CUL7: variants seen among roughly 807,000 people sequenced by gnomAD.
The protein encoded by CUL7 is cullin-7.
CUL7 carries 96 observed loss-of-function variants against 177.7 expected under a neutral mutation model. The observed-to-expected ratio is 0.54, with a 90% CI of 0.46 to 0.64. The LOEUF (loss-of-function observed/expected upper bound fraction) is 0.64. Ranked by LOEUF, CUL7 falls within the 30% of genes least tolerant of loss-of-function variation. The pLI, the probability that CUL7 is intolerant of heterozygous loss-of-function variation, is 0.00. For synonymous variants in CUL7, 824 were observed against 890.2 expected (o/e 0.93, Z 1.32); for missense variants, 1,893 against 2,187.9 (o/e 0.87, Z 2.69).
Position 43,037,856 on chromosome 6 carries a change from C to CT in CUL7, c.4928_4929insA (p.Leu1644AlafsTer15). ...CAGTCACAGGGACTGCATAGGACAGCACCTGGGGCCGGTCGTCATGGCGTC... is the reference window on the plus strand; with the variant it reads ...CAGTCACAGGGACTGCATAGGACAGCTACCTGGGGCCGGTCGTCATGGCGTC... On this transcript the variant is annotated frameshift_variant, in exon 26 of 26. Coordinates refer to ENST00000265348, the MANE Select transcript of CUL7 (RefSeq NM_014780.5). LOFTEE classifies it high-confidence loss of function. The CT allele has an allele frequency of 6.2e-7, 1 of 1,613,562 alleles. No individual in the cohort carries two copies. The highest frequency in any genetic ancestry group is 8.5e-7 in the Non-Finnish European group (1 of 1,179,746).
At chr6:43,039,727 G>T (rs145013771) in intron 22 of CUL7, among the ~76,000 whole-genome samples, 5 of 137,652 alleles carry the variant, frequency 3.6e-5, no homozygotes, top group Non-Finnish European at 7.8e-5. Flanking sequence ...TAAATTAAAA[G>T]ACCAACTCTT....
In CUL7 at chr6:43,043,240, C is replaced by T; in HGVS notation, c.3356-60G>A. On this transcript the variant is annotated intron_variant, in intron 17 of 25. Transcript: ENST00000265348. The surrounding 1 kb of genome is among the most constrained non-coding windows in gnomAD (Gnocchi z 4.2). ...GGTGCAGCCCCTCCACTCCCAAGTC[C>T]CCATCCAAGGGGGTTCCCTGAGGCC... is the stretch of plus-strand genomic sequence containing the variant. 6.9e-7 allele frequency: 1 copy of T among 1,440,150 alleles called. No homozygotes were observed. Among genetic ancestry groups the T allele is most frequent in the East Asian group, 2.3e-5 (1 of 43,184 alleles). 89.2% of individuals were successfully genotyped at this position (1,440,150 alleles called of 1,614,324 possible). A position where few individuals can be genotyped will look rare whatever the true frequency, so the allele number is the denominator to read the frequency against.
At chr6:43,042,367 C>G (rs1237328282) in intron 19 of CUL7, among the ~76,000 whole-genome samples, 1 of 151,670 alleles carries the variant, frequency 6.6e-6, no homozygotes, top group Admixed American at 6.6e-5. Flanking sequence ...ATGAGTCTAG[C>G]TCTGTCACGC....
In CUL7 at chr6:43,045,658, G is replaced by T. The variant is rs372556236; in HGVS notation, c.2791C>A (p.Arg931=). The T allele has an allele frequency of 6.2e-7, 1 of 1,614,070 alleles. No individual in the cohort carries two copies. Among genetic ancestry groups the T allele is most frequent in the Non-Finnish European group, 8.5e-7 (1 of 1,180,032 alleles). Residue 931 remains arginine, a synonymous_variant, in exon 14 of 26, where the codon CGG becomes AGG. Coordinates refer to ENST00000265348, the MANE Select transcript of CUL7 (RefSeq NM_014780.5). The surrounding 1 kb of genome is among the most constrained non-coding windows in gnomAD (Gnocchi z 4.8). Reference sequence around the variant, plus strand: ...GTCAGGTTCTCCAGGAGGATCACCCGGCTGGCAGAGGGCATCACATTCACC... The same window carrying T: ...GTCAGGTTCTCCAGGAGGATCACCCTGCTGGCAGAGGGCATCACATTCACC... ...NSVNVMPSAS[R]VILLENLTRF...
At position 43,052,888 on chromosome 6, in the gene CUL7, A is replaced by T. The variant is rs1373959862; in HGVS notation, c.-8-92T>A. The T allele has an allele frequency of 1.5e-6, 2 of 1,364,216 alleles. No homozygotes were observed. Among genetic ancestry groups the T allele is most frequent in the African/African-American group, 1.4e-5 (1 of 69,590 alleles). 84.5% of individuals were successfully genotyped at this position (1,364,216 alleles called of 1,614,324 possible). A position where few individuals can be genotyped will look rare whatever the true frequency, so the allele number is the denominator to read the frequency against. On this transcript the variant is annotated intron_variant, in intron 1 of 25. Transcript: ENST00000265348. This position sits in a 1 kb window ranked among gnomAD's most constrained non-coding sequence, Gnocchi z 4.5. ...CCAGGAGGTGGGGAAGCAAATGGCAACAGCTGTCAGGCGGGGTGGGGTAAA... is the reference window on the plus strand; with the variant it reads ...CCAGGAGGTGGGGAAGCAAATGGCATCAGCTGTCAGGCGGGGTGGGGTAAA...
chr6:43,040,327 C>T lies in CUL7; in HGVS notation c.4123G>A (p.Glu1375Lys). Residue 1375 changes from glutamate to lysine, a missense_variant, in exon 22 of 26, where the codon GAG becomes AAG. By Grantham distance (56) the Glu-to-Lys change is moderately conservative. Around this residue, in one of 5 missense-constraint regions of CUL7, gnomAD observed 973 missense variants for 1,140.9 expected, o/e 0.85. Transcript: ENST00000265348. This position sits in a 1 kb window ranked among gnomAD's most constrained non-coding sequence, Gnocchi z 4.2. ...TCATAGTAGAGGTCCTCATTCTCCT[C>T]CTCTTCCTCCTCTCCCTCCGCCACA... ...VDVAEGEEEE[E>K]ENEDLYYEGA... 1 of 1,613,896 alleles carries T rather than the reference C, an allele frequency of 6.2e-7. No individual in the cohort carries two copies. The highest frequency in any genetic ancestry group is 8.5e-7 in the Non-Finnish European group (1 of 1,179,966).
Position 43,045,986 on chromosome 6 carries a change from C to T in CUL7, c.2766G>A (p.Ser922=), listed in dbSNP as rs542140387. 9.3e-6 allele frequency: 15 copies of T among 1,612,522 alleles called. No individual in the cohort carries two copies. The highest frequency in any genetic ancestry group is 8.8e-5 in the South Asian group (8 of 91,046). The change falls in exon 13 of 26, where the codon TCG becomes TCA. Residue 922 remains serine (S), a splice_region_variant and synonymous_variant. Transcript: ENST00000265348. The surrounding 1 kb of genome is among the most constrained non-coding windows in gnomAD (Gnocchi z 4.8). ...STSSLHTELN[S]VNVMPSASRV... Reference sequence around the variant, plus strand: ...ATGGCTAATGGCCCTGGGGTCCTACCGAGTTGAGTTCCGTGTGAAGAGAGC... The same window carrying T: ...ATGGCTAATGGCCCTGGGGTCCTACTGAGTTGAGTTCCGTGTGAAGAGAGC...
Position 43,043,326 on chromosome 6 carries a change from G to A in CUL7, c.3355+122C>T. ...GGATGGAGGTGACACAAACCTGGAA[G>A]ATGAACAGGCTGAGCCCATAGGGAG... On this transcript the variant is annotated intron_variant, in intron 17 of 25. Coordinates refer to ENST00000265348, the MANE Select transcript of CUL7 (RefSeq NM_014780.5). The surrounding 1 kb of genome is among the most constrained non-coding windows in gnomAD (Gnocchi z 4.2). 1 of 1,228,004 alleles carries A rather than the reference G, an allele frequency of 8.1e-7. No homozygotes were observed. The allele number at this position is 1,228,004 out of a possible 1,614,324, so 76.1% of individuals were successfully genotyped here. A position where few individuals can be genotyped will look rare whatever the true frequency, so the allele number is the denominator to read the frequency against.
chr6:43,045,420 C>A lies in CUL7; in HGVS notation c.2863-18G>T, dbSNP rs781393677. On this transcript the variant is annotated intron_variant, in intron 14 of 25. Coordinates refer to ENST00000265348, the MANE Select transcript of CUL7 (RefSeq NM_014780.5). This position sits in a 1 kb window ranked among gnomAD's most constrained non-coding sequence, Gnocchi z 4.8. ...ATGCCACCCTGAAACACACACAGGA[C>A]TATCTTCACTCGCTCCACACCTTGG... The A allele has an allele frequency of 1.9e-6, 3 of 1,614,178 alleles. No individual in the cohort carries two copies. In the South Asian group the frequency reaches 3.3e-5, roughly 18 times the overall value.
chr6:43,044,719 G>A (rs1443336121), intron 16 of CUL7, 33 bp downstream of exon 16: 1 of 1,592,816 alleles, frequency 6.3e-7, no homozygotes, highest in African/African-American at 1.3e-5. Flanking sequence ...CAAGCCCTGA[G>A]ATAGTAATGG....
At position 43,045,691 on chromosome 6, in the gene CUL7, G is replaced by A. The variant is rs753769078; in HGVS notation, c.2767-9C>T. ...GAGGGCATCACATTCACCTGGCAGG[G>A]GGCAGAGAAAGCTGTCACCTCCACA... On this transcript the variant is annotated splice_polypyrimidine_tract_variant and intron_variant, in intron 13 of 25. Transcript: ENST00000265348. This position sits in a 1 kb window ranked among gnomAD's most constrained non-coding sequence, Gnocchi z 4.8. The A allele has an allele frequency of 6.8e-6, 11 of 1,614,010 alleles. No homozygotes were observed. The highest frequency in any genetic ancestry group is 9.3e-6 in the Non-Finnish European group (11 of 1,179,874).
rs1316051521 is a variant in CUL7, at chr6:43,046,368, T to A, written c.2528A>T (p.Lys843Met). The part of the protein sequence containing the change: ...VEVKEDKCWE[K>M]VEVSSNPHRA... Reference sequence around the variant, plus strand: ...GTGCGGGTTGGAGGACACCTCCACCTTCTCCCAGCACTTGTCCTCCTTCAC... The same window carrying A: ...GTGCGGGTTGGAGGACACCTCCACCATCTCCCAGCACTTGTCCTCCTTCAC... Residue 843 changes from lysine to methionine, a missense_variant, in exon 12 of 26, where the codon AAG becomes ATG. Transcript: ENST00000265348. The A allele has an allele frequency of 8.1e-6, 13 of 1,614,218 alleles. No individual in the cohort carries two copies. Among genetic ancestry groups the A allele is most frequent in the Non-Finnish European group, 1.1e-5 (13 of 1,180,026 alleles).
chr6:43,047,008 T>C lies in CUL7; in HGVS notation c.2269A>G (p.Lys757Glu), dbSNP rs146672464. The C allele has an allele frequency of 6.2e-6, 10 of 1,612,238 alleles. No individual in the cohort carries two copies. In the African/African-American group the frequency reaches 1.1e-4, roughly 17 times the overall value. The stretch of plus-strand genomic sequence containing the variant: ...TTTCCCAGGTGCTTTTCCAGGGCCT[T>C]GGAGATAGCGTCTCTTGCTCCCAGC... ...NQLGARDAIS[K>E]ALEKHLGKLE... The change falls in exon 10 of 26, where the codon AAG (lysine) becomes GAG (glutamate). Residue 757 changes from lysine (K) to glutamate (E), a missense_variant. Lys to Glu is a moderately conservative substitution (Grantham distance 56, BLOSUM62 1). Transcript: ENST00000265348.
chr6:43,051,567 G>T lies in CUL7; in HGVS notation c.732+45C>A, dbSNP rs915177. On this transcript the variant is annotated intron_variant, in intron 3 of 25. Coordinates refer to ENST00000265348, the MANE Select transcript of CUL7 (RefSeq NM_014780.5). This position sits in a 1 kb window ranked among gnomAD's most constrained non-coding sequence, Gnocchi z 5.0. ...GATAGGTGCAAAGGCCTGGACCCTA[G>T]ATCTTGTTCACAAGTTCCCCCCACC... 6.2e-7 allele frequency: 1 copy of T among 1,614,042 alleles called. No individual in the cohort carries two copies. The highest frequency in any genetic ancestry group is 2.2e-5 in the East Asian group (1 of 44,884).
chr6:43,045,509 T>G lies in CUL7; in HGVS notation c.2862+78A>C. On this transcript the variant is annotated intron_variant, in intron 14 of 25. Coordinates refer to ENST00000265348, the MANE Select transcript of CUL7 (RefSeq NM_014780.5). This position sits in a 1 kb window ranked among gnomAD's most constrained non-coding sequence, Gnocchi z 4.8. ...TGGAGCTGCTCGAGACCCAGGCTGG[T>G]CCTCTGGCTTAAGATCTGCCTGTTT... 2 of 1,613,198 alleles carry G rather than the reference T, an allele frequency of 1.2e-6. No homozygotes were observed. Among genetic ancestry groups the G allele is most frequent in the Non-Finnish European group, 1.7e-6 (2 of 1,179,256 alleles).
chr6:43,048,137 G>T lies in CUL7; in HGVS notation c.2169+11C>A. On this transcript the variant is annotated intron_variant, in intron 9 of 25. Transcript: ENST00000265348. ...CTCCCCCAGCCTCTCCCCAGAGCAG[G>T]GCAGGGGTACCTCTCGATCAGTGTT... The T allele has an allele frequency of 1.3e-6, 2 of 1,580,600 alleles. No individual in the cohort carries two copies. Among genetic ancestry groups the T allele is most frequent in the Non-Finnish European group, 1.7e-6 (2 of 1,151,532 alleles).
In CUL7 at chr6:43,050,883, G is replaced by C. The variant is rs1447335132; in HGVS notation, c.1233+85C>G. On this transcript the variant is annotated intron_variant, in intron 4 of 25. Transcript: ENST00000265348. This position sits in a 1 kb window ranked among gnomAD's most constrained non-coding sequence, Gnocchi z 4.1. ...CTAAAGCTTTCTCTTTGGGTGGCCTGCTGGAGCCCCCCCATATAGAAGTCC... is the reference window on the plus strand; with the variant it reads ...CTAAAGCTTTCTCTTTGGGTGGCCTCCTGGAGCCCCCCCATATAGAAGTCC... 1.3e-6 allele frequency: 2 copies of C among 1,531,842 alleles called. No homozygotes were observed. The highest frequency in any genetic ancestry group is 2.3e-5 in the East Asian group (1 of 44,374). 94.9% of individuals were successfully genotyped at this position (1,531,842 alleles called of 1,614,324 possible).
In CUL7 at chr6:43,050,232, C is replaced by A. The variant is rs745939734; in HGVS notation, c.1372+28G>T. 1 of 1,614,062 alleles carries A rather than the reference C, an allele frequency of 6.2e-7. No individual in the cohort carries two copies. Among genetic ancestry groups the A allele is most frequent in the Non-Finnish European group, 8.5e-7 (1 of 1,180,048 alleles). ...AGGACCACCATTCCTCTGCTCAGAG[C>A]TGACCCTTGCTTCCTCCCTGAGCTC... On this transcript the variant is annotated intron_variant, in intron 5 of 25. Coordinates refer to ENST00000265348, the MANE Select transcript of CUL7 (RefSeq NM_014780.5). This position sits in a 1 kb window ranked among gnomAD's most constrained non-coding sequence, Gnocchi z 4.1.
chr6:43,037,931 G>A lies in CUL7; in HGVS notation c.4854C>T (p.Ser1618=). Residue 1618 remains serine, a synonymous_variant, in exon 26 of 26, where the codon AGC becomes AGT. Transcript: ENST00000265348. ...SSLGKGSACS[S]TDVLSCILHL... is the part of the protein sequence containing the mutation. ...GTAGGATGCAGGAGAGGACGTCAGTGCTGCTGCATGCAGACCCCTTACCAA... is the reference window on the plus strand; with the variant it reads ...GTAGGATGCAGGAGAGGACGTCAGTACTGCTGCATGCAGACCCCTTACCAA... The A allele has an allele frequency of 6.2e-7, 1 of 1,606,440 alleles. No individual in the cohort carries two copies. The highest frequency in any genetic ancestry group is 8.5e-7 in the Non-Finnish European group (1 of 1,174,582).
Sources: gnomAD v4.1 joint callset for allele counts (sites outside exome capture counted in the v4.1 genomes callset) on GRCh38, gnomAD v4.1.1 for gene constraint, gnomAD v4.1.1 regional missense constraint, Gnocchi (gnomAD v3.1) non-coding constraint, MANE v1.5 for transcripts, NCBI Gene and HGNC (gene_info 2026-07-23, HGNC 2026-07-21) for gene names.